The following SLIT3 variants were observed in gnomAD, a reference collection of about 807,000 sequenced individuals.
SLIT3 encodes slit guidance ligand 3.
A neutral mutation model predicts 184.0 loss-of-function variants in SLIT3; 68 were observed. The ratio of observed to expected loss-of-function variants is 0.37; its 90% CI spans 0.30 to 0.45. The LOEUF is 0.45. SLIT3 is among the 20% of genes least tolerant of loss of function. The probability of loss-of-function intolerance (pLI) is 1.00; values close to 1 mark genes in which losing one functional copy is unlikely to be tolerated. For missense variants in SLIT3, 1,707 were observed against 2,026.0 expected (o/e 0.84, Z 3.02); for synonymous variants, 831 against 828.6 (o/e 1.00, Z -0.05).
chr5:168,710,503 C>T (rs1457638198), intron 25 of SLIT3, among the ~76,000 whole-genome samples: 1 of 152,048 alleles, frequency 6.6e-6, no homozygotes, highest in Non-Finnish European at 1.5e-5. Context: ...GTGGCTTATG[C>T]CTGTAATCCC....
intron 4 of SLIT3, among the ~76,000 whole-genome samples, chr5:169,179,656 T>G (rs940331994): frequency 2.6e-5 from 4 of 151,502 alleles, no homozygotes; most frequent in Non-Finnish European, 4.4e-5. Flanking sequence ...TTATTCTCAT[T>G]TGTGTGTGCT....
chr5:169,008,053 A>G (rs1409239583), intron 4 of SLIT3, among the ~76,000 whole-genome samples: 2 of 152,242 alleles, frequency 1.3e-5, no homozygotes, highest in Admixed American at 1.3e-4. Flanking sequence ...TTGTTCTGCC[A>G]TGATGTAAGA....
chr5:168,735,178 C>T (rs1409164468), intron 20 of SLIT3, among the ~76,000 whole-genome samples: 3 of 152,208 alleles, frequency 2.0e-5, no homozygotes, highest in African/African-American at 7.2e-5. Flanking sequence ...TTTAAATGCT[C>T]TGTTTCAGCC....
At chr5:169,100,211 T>C (rs1759955914) in intron 4 of SLIT3, among the ~76,000 whole-genome samples, 1 of 152,010 alleles carries the variant, frequency 6.6e-6, no homozygotes, top group Admixed American at 6.6e-5. Flanking sequence ...CTAGGAAGAA[T>C]GGTGAACATG....
chr5:169,231,940 A>G (rs1456530845), intron 3 of SLIT3, among the ~76,000 whole-genome samples: 1 of 152,170 alleles, frequency 6.6e-6, no homozygotes, highest in Non-Finnish European at 1.5e-5. Context: ...TCATACGATC[A>G]TTGGCCACTT....
Position 169,035,621 on chromosome 5 carries a change from C to T in SLIT3, c.414-152285G>A, listed in dbSNP as rs530374925. Reference sequence around the variant, plus strand: ...CCAAGATCGCACCACTGCACTCCAGCCTGGGTGACAGTGAGACTGCATCTG... The same window carrying T: ...CCAAGATCGCACCACTGCACTCCAGTCTGGGTGACAGTGAGACTGCATCTG... On this transcript the variant is annotated intron_variant, in intron 4 of 35. Coordinates refer to ENST00000519560, the MANE Select transcript of SLIT3 (RefSeq NM_003062.4). 7.5e-5 allele frequency among the ~76,000 whole-genome samples: 11 copies of T among 146,470 alleles called. No individual in the cohort carries two copies. In the East Asian group the frequency reaches 2.2e-3, roughly 29 times the overall value.
intron 9 of SLIT3, among the ~76,000 whole-genome samples, chr5:168,797,220 T>C (rs148099837): frequency 4.7e-4 from 72 of 151,988 alleles, no homozygotes; most frequent in Middle Eastern, 6.8e-3. Context: ...GCCTGAGAAG[T>C]TCCAAGGACA....
At chr5:169,132,616 T>C (rs141001151) in intron 4 of SLIT3, among the ~76,000 whole-genome samples, 2 of 152,248 alleles carry the variant, frequency 1.3e-5, no homozygotes, top group African/African-American at 4.8e-5. Flanking sequence ...CAAATCTAAG[T>C]TTGCATGAAC....
chr5:169,031,778 T>C (rs535808139), intron 4 of SLIT3, among the ~76,000 whole-genome samples: 10 of 152,300 alleles, frequency 6.6e-5, no homozygotes, highest in Admixed American at 2.0e-4. Flanking sequence ...TCATGATTGA[T>C]TGACTATCAT....
chr5:168,901,177 G>T (rs1408401162), intron 4 of SLIT3, among the ~76,000 whole-genome samples: 1 of 152,046 alleles, frequency 6.6e-6, no homozygotes, highest in South Asian at 2.1e-4. Context: ...TGGCTAACAT[G>T]GTGAAACCCC....
intron 1 of SLIT3, among the ~76,000 whole-genome samples, chr5:169,274,559 T>C (rs1250200320): frequency 8.5e-5 from 13 of 152,140 alleles, no homozygotes; most frequent in Admixed American, 7.2e-4. Context: ...TACATGAATG[T>C]TGATGGAATG....
intron 6 of SLIT3, 104 bp downstream of exon 6, chr5:168,844,480 G>T: frequency 9.7e-7 from 1 of 1,036,130 alleles, no homozygotes; most frequent in Non-Finnish European, 1.5e-6. Flanking sequence ...CATTCACACA[G>T]ACCCTCCTGC....
intron 4 of SLIT3, among the ~76,000 whole-genome samples, chr5:169,091,952 T>C (rs989366810): frequency 2.6e-5 from 4 of 152,134 alleles, no homozygotes; most frequent in African/African-American, 7.2e-5. Context: ...GTGGGTGCGG[T>C]GGCTCGTGCC....
In SLIT3 at chr5:168,772,788, G is replaced by A. The variant is rs1256680031; in HGVS notation, c.1452C>T (p.Arg484=). ...RISQIKSKKF[R]CSGSEDYRSR... is the part of the protein sequence containing the mutation. ...GCCCCGTAACCTGATTACCTGAGCA[G>A]CGGAACTTCTTGCTCTTGATCTGGC... Residue 484 remains arginine (R), a synonymous_variant, in exon 14 of 36, where the codon CGC becomes CGT. Transcript: ENST00000519560. 1.2e-6 allele frequency: 2 copies of A among 1,614,196 alleles called. No individual in the cohort carries two copies. The highest frequency in any genetic ancestry group is 8.5e-7 in the Non-Finnish European group (1 of 1,180,044).
chr5:169,046,297 A>G (rs1757620901), intron 4 of SLIT3, among the ~76,000 whole-genome samples: 1 of 152,238 alleles, frequency 6.6e-6, no homozygotes. Flanking sequence ...AGGCATGCAT[A>G]GAAAAGCAAA....
chr5:168,920,939 C>T (rs527382765), intron 4 of SLIT3, among the ~76,000 whole-genome samples: 61 of 152,258 alleles, frequency 4.0e-4, no homozygotes, highest in African/African-American at 1.0e-3. Flanking sequence ...TTATATCCTA[C>T]GGGATAACTG....
chr5:168,679,928 G>C (rs1427603180), intron 32 of SLIT3, among the ~76,000 whole-genome samples: 1 of 152,232 alleles, frequency 6.6e-6, no homozygotes, highest in African/African-American at 2.4e-5. Context: ...CAGTGGACAG[G>C]ATTGTAGAAA....
intron 11 of SLIT3, among the ~76,000 whole-genome samples, chr5:168,786,715 AG>A (rs1414944598): frequency 6.6e-6 from 1 of 152,044 alleles, no homozygotes; most frequent in Non-Finnish European, 1.5e-5. Flanking sequence ...CTGGGGAGGA[AG>A]GCTACTGGGT....
chr5:168,987,464 T>C (rs1248969427), intron 4 of SLIT3, among the ~76,000 whole-genome samples: 1 of 152,236 alleles, frequency 6.6e-6, no homozygotes, highest in Non-Finnish European at 1.5e-5. Context: ...CTGTGTCACC[T>C]TAAAAATGTA....
Sources: gnomAD v4.1 joint callset for allele counts (sites outside exome capture counted in the v4.1 genomes callset) on GRCh38, gnomAD v4.1.1 for gene constraint, MANE v1.5 for transcripts, NCBI Gene and HGNC (gene_info 2026-07-23, HGNC 2026-07-21) for gene names.